DNAH11: variants seen among roughly 807,000 people sequenced by gnomAD.
The protein encoded by DNAH11 is axonemal beta dynein heavy chain 11.
A neutral mutation model predicts 526.0 loss-of-function variants in DNAH11; 442 were observed. The ratio of observed to expected loss-of-function variants is 0.84; its 90% CI spans 0.78 to 0.91. DNAH11 has a LOEUF of 0.91. DNAH11 is among the 40% of genes least tolerant of loss of function. DNAH11 has a pLI of 0.00. For synonymous variants in DNAH11, 2,461 were observed against 1,935.9 expected (o/e 1.27, Z -7.12); for missense variants, 6,989 against 5,448.7 (o/e 1.28, Z -8.90).
rs1182330735 is a variant in DNAH11, at chr7:21,736,479, C to G, written c.7645+635C>G. Among the ~76,000 whole-genome samples, 4 of 152,190 alleles carry G rather than the reference C, an allele frequency of 2.6e-5. No individual in the cohort carries two copies. The South Asian group carries it at 8.3e-4, about 32-fold the overall frequency. On this transcript the variant is annotated intron_variant, in intron 46 of 81. Transcript: ENST00000409508. ...CTCTGTTGGGGGGCAACCAGACTCT[C>G]TGATATCCGGTTGTTTATTAAAACT...
rs1562608748 is a variant in DNAH11, at chr7:21,894,865, C to T, written c.12934-19C>T. On this transcript the variant is annotated intron_variant, in intron 78 of 81. Coordinates refer to ENST00000409508, the MANE Select transcript of DNAH11 (RefSeq NM_001277115.2). ...ACATTGGAAGATATTCACTGTGTGGCTTTTTTTCTCCATGCAAGGGGGAAT... is the reference window on the plus strand; with the variant it reads ...ACATTGGAAGATATTCACTGTGTGGTTTTTTTTCTCCATGCAAGGGGGAAT... 1.9e-6 allele frequency: 3 copies of T among 1,613,260 alleles called. No homozygotes were observed. The highest frequency in any genetic ancestry group is 2.5e-6 in the Non-Finnish European group (3 of 1,179,446).
chr7:21,623,293 A>G (rs985210802), intron 25 of DNAH11, among the ~76,000 whole-genome samples: 1 of 150,796 alleles, frequency 6.6e-6, no homozygotes, highest in African/African-American at 2.4e-5. Flanking sequence ...TAGAATGGCA[A>G]TCATTAAAAA....
intron 61 of DNAH11, among the ~76,000 whole-genome samples, chr7:21,794,528 C>G (rs1788621564): frequency 6.6e-6 from 1 of 152,058 alleles, no homozygotes; most frequent in South Asian, 2.1e-4. Flanking sequence ...ACTGACCATC[C>G]TGAATTGAGG....
chr7:21,706,769 GTGTT>G (rs1443386839), intron 39 of DNAH11, among the ~76,000 whole-genome samples: 1 of 152,150 alleles, frequency 6.6e-6, no homozygotes, highest in East Asian at 1.9e-4. Flanking sequence ...TCATTTCAAA[GTGTT>G]TGCCAATTGT....
intron 36 of DNAH11, among the ~76,000 whole-genome samples, chr7:21,702,431 C>G (rs1348591233): frequency 6.6e-6 from 1 of 150,872 alleles, no homozygotes; most frequent in Non-Finnish European, 1.5e-5. Flanking sequence ...GAGAGTACAG[C>G]AAGGGAGGTG....
chr7:21,683,819 A>G lies in DNAH11; in HGVS notation c.5496A>G (p.Gln1832=), dbSNP rs552607031. The G allele has an allele frequency of 3.7e-6, 6 of 1,611,718 alleles. 1 individual carries two copies. The East Asian group carries it at 6.7e-5, about 18-fold the overall frequency. ...VSPQAFTWLS[Q]LRHRWEDTQK... is the part of the protein sequence containing the mutation. ...CCCAAGCTTTTACATGGCTGTCTCAACTTCGTCACCGATGGGAGGATACCC... is the reference window on the plus strand; with the variant it reads ...CCCAAGCTTTTACATGGCTGTCTCAGCTTCGTCACCGATGGGAGGATACCC... Residue 1832 remains glutamine, a synonymous_variant, in exon 32 of 82, where the codon CAA becomes CAG. Coordinates refer to ENST00000409508, the MANE Select transcript of DNAH11 (RefSeq NM_001277115.2).
At chr7:21,621,240 T>C (rs1786039793) in intron 25 of DNAH11, among the ~76,000 whole-genome samples, 1 of 152,140 alleles carries the variant, frequency 6.6e-6, no homozygotes, top group Admixed American at 6.6e-5. Flanking sequence ...GATAAATTCC[T>C]CGACACATAC....
intron 18 of DNAH11, among the ~76,000 whole-genome samples, chr7:21,605,577 C>T (rs890020461): frequency 1.1e-4 from 17 of 152,156 alleles, no homozygotes; most frequent in Non-Finnish European, 1.8e-4. Context: ...TCCTAGTCCC[C>T]TAAAATAAAC....
At position 21,545,162 on chromosome 7, in the gene DNAH11, CTTTAATA is replaced by C; in HGVS notation, c.495+19_495+25del. ...TTTCCTTGATGAGGTACTGGTCTGT[CTTTAATA>C]TTTAAAGCTTTCACTTATCTCCATG... On this transcript the variant is annotated intron_variant, in intron 2 of 81. Transcript: ENST00000409508. 1.9e-6 allele frequency: 3 copies of C among 1,574,232 alleles called. No individual in the cohort carries two copies. Among genetic ancestry groups the C allele is most frequent in the Admixed American group, 3.6e-5 (2 of 55,908 alleles).
chr7:21,552,317 C>G (rs1783052873), intron 2 of DNAH11, among the ~76,000 whole-genome samples: 1 of 152,150 alleles, frequency 6.6e-6, no homozygotes, highest in African/African-American at 2.4e-5. Flanking sequence ...TTTTTTTGAG[C>G]ATGAGTTAAT....
At chr7:21,596,844 G>A (rs1338300591) in intron 14 of DNAH11, among the ~76,000 whole-genome samples, 1 of 152,202 alleles carries the variant, frequency 6.6e-6, no homozygotes. Context: ...CTTCTGCCTT[G>A]AGGGAATGTA....
intron 75 of DNAH11, among the ~76,000 whole-genome samples, chr7:21,883,457 G>A (rs1784008049): frequency 6.6e-6 from 1 of 152,198 alleles, no homozygotes; most frequent in South Asian, 2.1e-4. Context: ...ACAGTCATTA[G>A]GCCAGTCATG....
intron 9 of DNAH11, among the ~76,000 whole-genome samples, chr7:21,584,650 A>C (rs1784424811): frequency 6.6e-6 from 1 of 152,208 alleles, no homozygotes; most frequent in South Asian, 2.1e-4. Context: ...GCCAGCCATC[A>C]GCCGAAATGT....
At chr7:21,642,928 G>A (rs1787191535) in intron 28 of DNAH11, among the ~76,000 whole-genome samples, 1 of 152,134 alleles carries the variant, frequency 6.6e-6, no homozygotes, top group Non-Finnish European at 1.5e-5. Context: ...TATCAGCTTA[G>A]GAGTAAGTTT....
intron 25 of DNAH11, among the ~76,000 whole-genome samples, chr7:21,620,545 C>T (rs11972496): frequency 0.53 from 81,098 of 151,762 alleles, 22,332 homozygotes; most frequent in East Asian, 0.77. Flanking sequence ...TTGTTGCAAA[C>T]CAGGATTTTA....
intron 57 of DNAH11, 96 bp from the exon 58 acceptor site, chr7:21,784,331 T>C: frequency 1.1e-6 from 1 of 899,298 alleles, no homozygotes; most frequent in Non-Finnish European, 1.8e-6. Flanking sequence ...GAGAAATGAA[T>C]TATTTAACAG....
chr7:21,765,844 A>G lies in DNAH11; in HGVS notation c.9102+255A>G, dbSNP rs1011241917. On this transcript the variant is annotated intron_variant, in intron 55 of 81. Coordinates refer to ENST00000409508, the MANE Select transcript of DNAH11 (RefSeq NM_001277115.2). Reference sequence around the variant, plus strand: ...CGTGCGTGAACACGGGCACGCACACAGCACTTGAGTATGTTCTCACTCATG... The same window carrying G: ...CGTGCGTGAACACGGGCACGCACACGGCACTTGAGTATGTTCTCACTCATG... Among the ~76,000 whole-genome samples the G allele has an allele frequency of 8.5e-5, 13 of 152,224 alleles. No homozygotes were observed. In the South Asian group the frequency reaches 2.7e-3, roughly 32 times the overall value.
chr7:21,690,136 G>T (rs6970647), intron 34 of DNAH11, among the ~76,000 whole-genome samples: 76,134 of 152,032 alleles, frequency 0.5, 19,386 homozygotes, highest in East Asian at 0.69. Context: ...AATCCTTGCA[G>T]AATCCAATAA....
rs1413641562 is a variant in DNAH11 at position 21,749,666 on chromosome 7, CT to C, written c.8674-9del. The C allele has an allele frequency of 1.2e-6, 2 of 1,613,476 alleles. No individual in the cohort carries two copies. Among genetic ancestry groups the C allele is most frequent in the African/African-American group, 1.3e-5 (1 of 74,918 alleles). ...ATTTTAACAAAACATGAGTGATGGC[CT>C]TTCCTTACAGGTAGATCTTGCCAAT... On this transcript the variant is annotated splice_polypyrimidine_tract_variant and intron_variant, in intron 52 of 81. Transcript: ENST00000409508.
Sources: allele counts gnomAD v4.1 joint callset (sites outside exome capture counted in the v4.1 genomes callset), GRCh38; gene constraint gnomAD v4.1.1; transcripts MANE v1.5; gene names NCBI Gene and HGNC (gene_info 2026-07-23, HGNC 2026-07-21).